The following NAA30 variants were observed in gnomAD, a reference collection of about 807,000 sequenced individuals.
The protein encoded by NAA30 is N-alpha-acetyltransferase 30, NatC catalytic subunit, also known as N-alpha-acetyltransferase 30.
Under a neutral mutation model 31.4 loss-of-function variants are expected in NAA30, and 5 were observed. That is an observed-to-expected ratio of 0.16 (90% CI 0.08 to 0.33). The LOEUF is 0.33. Ranked by LOEUF, NAA30 falls within the 10% of genes least tolerant of loss-of-function variation. The pLI, the probability that NAA30 is intolerant of heterozygous loss-of-function variation, is 1.00. For missense variants in NAA30, 428 were observed against 490.8 expected, an observed-to-expected ratio of 0.87 and a Z score of 1.21; for synonymous variants, 222 against 207.1, an observed-to-expected ratio of 1.07 and a Z score of -0.62.
At chr14:57,399,696 T>A (rs1324256543) in intron 3 of NAA30, 132 bp from the exon 4 acceptor site, 1 of 644,470 alleles carries the variant, frequency 1.6e-6, no homozygotes, top group Admixed American at 2.7e-5. Context: ...CCCATTTAAT[T>A]TGAGGTAATC....
At position 57,397,262 on chromosome 14, in the gene NAA30, A is replaced by G. The variant is rs181449540; in HGVS notation, c.895+387A>G. Among the ~76,000 whole-genome samples the G allele has an allele frequency of 2.1e-3, 316 of 152,326 alleles. 1 individual carries two copies. Among genetic ancestry groups the G allele is most frequent in the Admixed American group, 5.3e-3 (81 of 15,304 alleles). On this transcript the variant is annotated intron_variant, in intron 3 of 4. Transcript: ENST00000556492. ...CTGTATTTGGGTTAAGTGGACCTCA[A>G]TCAAGCCAAAATTATGGACAAATTG...
At chr14:57,399,988 T>C in intron 4 of NAA30, 105 bp downstream of exon 4, 1 of 579,704 alleles carries the variant, frequency 1.7e-6, no homozygotes, top group Non-Finnish European at 3.0e-6. Context: ...GCAGTGTTAC[T>C]ATACAAATGC....
At position 57,391,015 on chromosome 14, in the gene NAA30, C is replaced by A. The variant is rs765185952; in HGVS notation, c.58C>A (p.Pro20Thr). ...CCTCCCACCACCAGCACCTCCGGCC[C>A]CGGCGGCGGTCGAGCCCCGCTGTCC... The part of the protein sequence containing the change: ...SLLPPPAPPA[P>T]AAVEPRCPFP... The change falls in exon 2 of 5, where the codon CCG becomes ACG. Residue 20 changes from proline (P) to threonine (T), a missense_variant. Pro to Thr is a conservative substitution (Grantham distance 38). Around this residue, in one of 2 missense-constraint regions of NAA30, gnomAD observed 349 missense variants for 310.4 expected, o/e 1.12. Transcript: ENST00000556492. The surrounding 1 kb of genome is among the most constrained non-coding windows in gnomAD (Gnocchi z 4.1). The A allele has an allele frequency of 6.7e-7, 1 of 1,497,834 alleles. No individual in the cohort carries two copies. The allele number at this position is 1,497,834 out of a possible 1,614,324, so 92.8% of individuals were successfully genotyped here.
At chr14:57,397,891 C>A (rs1290497654) in intron 3 of NAA30, among the ~76,000 whole-genome samples, 3 of 152,190 alleles carry the variant, frequency 2.0e-5, no homozygotes, top group African/African-American at 7.2e-5. Context: ...GCACTCTAGC[C>A]TGGGTGACAG....
At chr14:57,390,841 G>A in intron 1 of NAA30, 116 bp from the exon 2 acceptor site, 1 of 1,013,720 alleles carries the variant, frequency 9.9e-7, no homozygotes, top group East Asian at 3.1e-5. Flanking sequence ...GCTCCGTGAG[G>A]GACGGTTTCT....
intron 3 of NAA30, among the ~76,000 whole-genome samples, chr14:57,399,526 G>A (rs1465537209): frequency 6.6e-6 from 1 of 152,062 alleles, no homozygotes; most frequent in East Asian, 1.9e-4. Flanking sequence ...TTTCTCTTTC[G>A]CTTTCCTACT....
Position 57,410,357 on chromosome 14 carries a change from G to A in NAA30, c.*841G>A, listed in dbSNP as rs1407186654. On this transcript the variant is annotated 3_prime_UTR_variant, in exon 5 of 5. Coordinates refer to ENST00000556492, the MANE Select transcript of NAA30 (RefSeq NM_001011713.3). ...TCAAAAGAGATAAGAAAAGTTGATGGAGCCGGGAATTGCTGGGGTTTAGAT... is the reference window on the plus strand; with the variant it reads ...TCAAAAGAGATAAGAAAAGTTGATGAAGCCGGGAATTGCTGGGGTTTAGAT... 1 of 152,554 alleles carries A rather than the reference G, an allele frequency of 6.6e-6. No homozygotes were observed. The highest frequency in any genetic ancestry group is 2.4e-5 in the African/African-American group (1 of 41,428). 9.5% of individuals were successfully genotyped at this position (152,554 alleles called of 1,614,324 possible).
rs771944951 is a variant in NAA30 at position 57,391,406 on chromosome 14, T to C, written c.449T>C (p.Val150Ala). ...CTCTCTAGTAATGCAAGAACTGCGG[T>C]CCCCAGCCCGGTGGAGGCAGCGGCG... is the stretch of plus-strand genomic sequence containing the variant. ...HSLSSNARTAVPSPVEAAAAS... is the reference protein window; with the variant it reads ...HSLSSNARTAAPSPVEAAAAS... The change falls in exon 2 of 5, where the codon GTC becomes GCC. Residue 150 changes from valine (V) to alanine (A), a missense_variant. Val to Ala is a moderately conservative substitution (Grantham distance 64). This residue lies in a region of NAA30 where 349 missense variants were observed against 310.4 expected (regional missense o/e 1.12). Coordinates refer to ENST00000556492, the MANE Select transcript of NAA30 (RefSeq NM_001011713.3). This position sits in a 1 kb window ranked among gnomAD's most constrained non-coding sequence, Gnocchi z 4.1. The C allele has an allele frequency of 1.2e-6, 2 of 1,607,638 alleles. No individual in the cohort carries two copies. The highest frequency in any genetic ancestry group is 1.7e-4 in the Middle Eastern group (1 of 6,004).
intron 4 of NAA30, among the ~76,000 whole-genome samples, chr14:57,406,533 C>A (rs899893665): frequency 6.6e-6 from 1 of 152,088 alleles, no homozygotes; most frequent in African/African-American, 2.4e-5. Flanking sequence ...AATGGATAAC[C>A]ACATCAATTT....
chr14:57,404,938 A>G (rs1472556803), intron 4 of NAA30, among the ~76,000 whole-genome samples: 1 of 152,126 alleles, frequency 6.6e-6, no homozygotes, highest in Non-Finnish European at 1.5e-5. Flanking sequence ...AGTATCACAC[A>G]TCCAATTTGG....
chr14:57,390,731 T>C lies in NAA30; in HGVS notation c.-2+26T>C, dbSNP rs1356736331. On this transcript the variant is annotated intron_variant, in intron 1 of 4. Coordinates refer to ENST00000556492, the MANE Select transcript of NAA30 (RefSeq NM_001011713.3). ...GTGAGCCGTGAGGAGGGGCCGCGAGTGACAGGGCTGGCGGGTGGGCCCGGG... is the reference window on the plus strand; with the variant it reads ...GTGAGCCGTGAGGAGGGGCCGCGAGCGACAGGGCTGGCGGGTGGGCCCGGG... 9.3e-5 allele frequency: 38 copies of C among 410,056 alleles called. No individual in the cohort carries two copies. The Admixed American group carries it at 1.7e-3, about 18-fold the overall frequency. 25.4% of individuals were successfully genotyped at this position (410,056 alleles called of 1,614,324 possible).
Position 57,391,580 on chromosome 14 carries a change from G to A in NAA30, c.623G>A (p.Gly208Glu). Residue 208 changes from glycine (G) to glutamate (E), a missense_variant, in exon 2 of 5, where the codon GGG becomes GAG. Around this residue, in one of 2 missense-constraint regions of NAA30, gnomAD observed 349 missense variants for 310.4 expected, o/e 1.12. Coordinates refer to ENST00000556492, the MANE Select transcript of NAA30 (RefSeq NM_001011713.3). The surrounding 1 kb of genome is among the most constrained non-coding windows in gnomAD (Gnocchi z 4.1). ...RSPSGREVEP[G>E]EDRTIRYVRY... Reference sequence around the variant, plus strand: ...CCTTCGGGCAGGGAGGTTGAGCCTGGGGAGGATCGGACGATACGATATGTC... The same window carrying A: ...CCTTCGGGCAGGGAGGTTGAGCCTGAGGAGGATCGGACGATACGATATGTC... The A allele has an allele frequency of 6.2e-7, 1 of 1,614,234 alleles. No individual in the cohort carries two copies. Among genetic ancestry groups the A allele is most frequent in the Non-Finnish European group, 8.5e-7 (1 of 1,180,048 alleles).
intron 4 of NAA30, 107 bp from the exon 5 acceptor site, chr14:57,409,272 C>T: frequency 1.1e-6 from 1 of 870,924 alleles, no homozygotes; most frequent in Non-Finnish European, 1.7e-6. Flanking sequence ...ATTGTTTTCA[C>T]TATCAATTTT....
At chr14:57,396,282 C>A (rs1327723685) in intron 2 of NAA30, among the ~76,000 whole-genome samples, 1 of 152,162 alleles carries the variant, frequency 6.6e-6, no homozygotes, top group Non-Finnish European at 1.5e-5. Context: ...GCCATTATTA[C>A]TAAATTTAAC....
chr14:57,392,038 G>C (rs1032129884), intron 2 of NAA30, among the ~76,000 whole-genome samples: 2 of 152,038 alleles, frequency 1.3e-5, no homozygotes, highest in African/African-American at 4.8e-5. Flanking sequence ...TTAATTACCC[G>C]CCCGCATCCT....
In NAA30 at chr14:57,391,244, G is replaced by A. The variant is rs1050050158; in HGVS notation, c.287G>A (p.Arg96Gln). 6.2e-7 allele frequency: 1 copy of A among 1,612,104 alleles called. No individual in the cohort carries two copies. Among genetic ancestry groups the A allele is most frequent in the East Asian group, 2.2e-5 (1 of 44,844 alleles). ...GLISPELRHLRAAASLKSKVL... is the reference protein window; with the variant it reads ...GLISPELRHLQAAASLKSKVL... ...ATTAGCCCCGAACTGCGGCACCTCCGGGCGGCCGCCTCCCTCAAGAGCAAG... is the reference window on the plus strand; with the variant it reads ...ATTAGCCCCGAACTGCGGCACCTCCAGGCGGCCGCCTCCCTCAAGAGCAAG... The change falls in exon 2 of 5, where the codon CGG becomes CAG. Residue 96 changes from arginine to glutamine, a missense_variant. By Grantham distance (43) the Arg-to-Gln change is conservative. Transcript: ENST00000556492. The surrounding 1 kb of genome is among the most constrained non-coding windows in gnomAD (Gnocchi z 4.1).
chr14:57,398,673 C>A (rs1048396277), intron 3 of NAA30, among the ~76,000 whole-genome samples: 3 of 151,822 alleles, frequency 2.0e-5, no homozygotes, highest in African/African-American at 4.8e-5. Context: ...CACTCTGTCG[C>A]CCAGGTTGGA....
intron 4 of NAA30, 22 bp downstream of exon 4, chr14:57,399,905 A>G (rs2152360): frequency 0.84 from 1,061,844 of 1,256,792 alleles, 464,004 homozygotes; most frequent in Admixed American, 0.9. Flanking sequence ...AAAATGTTTA[A>G]TATTTTTTAT....
chr14:57,396,127 A>C (rs1193368738), intron 2 of NAA30, among the ~76,000 whole-genome samples: 3 of 152,066 alleles, frequency 2.0e-5, no homozygotes, highest in Non-Finnish European at 4.4e-5. Flanking sequence ...GGTGCATGCC[A>C]CCACACCTGG....
Sources: allele counts gnomAD v4.1 joint callset (sites outside exome capture counted in the v4.1 genomes callset), GRCh38; gene constraint gnomAD v4.1.1; regional missense constraint gnomAD v4.1.1; non-coding constraint Gnocchi (gnomAD v3.1); transcripts MANE v1.5; gene names NCBI Gene and HGNC (gene_info 2026-07-23, HGNC 2026-07-21).